The following RMDN2 variants were observed in gnomAD, a reference collection of about 807,000 sequenced individuals.
RMDN2 encodes the protein regulator of microtubule dynamics 2.
A neutral mutation model predicts 52.8 loss-of-function variants in RMDN2; 61 were observed. That is an observed-to-expected ratio of 1.16 (90% confidence interval 0.94 to 1.43). RMDN2 has a LOEUF of 1.43. RMDN2 is among the 40% of genes most tolerant of loss of function. RMDN2 has a pLI of 0.00. For missense variants in RMDN2, 592 were observed against 475.3 expected, an observed-to-expected ratio of 1.25 and a Z score of -2.28; for synonymous variants, 180 against 153.1, an observed-to-expected ratio of 1.18 and a Z score of -1.30.
intron 4 of RMDN2, among the ~76,000 whole-genome samples, chr2:37,978,639 A>T (rs2125089479): frequency 6.6e-6 from 1 of 152,320 alleles, no homozygotes; most frequent in South Asian, 2.1e-4. Context: ...CAGCCTGGGC[A>T]ACATAGGGAG....
At chr2:37,994,829 A>G (rs906023310) in intron 7 of RMDN2, among the ~76,000 whole-genome samples, 1 of 152,236 alleles carries the variant, frequency 6.6e-6, no homozygotes. Context: ...AAAGACTAGC[A>G]TATGAATTTT....
downstream of RMDN2, among the ~76,000 whole-genome samples, chr2:38,018,910 T>G (rs1187800171): frequency 4.6e-5 from 7 of 152,102 alleles, no homozygotes; most frequent in African/African-American, 1.4e-4. Flanking sequence ...ACACACACAT[T>G]TATACACTTA....
chr2:37,944,320 A>T (rs1194339047), intron 2 of RMDN2, among the ~76,000 whole-genome samples: 1 of 127,808 alleles, frequency 7.8e-6, no homozygotes. Flanking sequence ...CATTTAAAAA[A>T]ACAGCCAATC....
intron 2 of RMDN2, among the ~76,000 whole-genome samples, chr2:37,935,061 T>G (rs1341926050): frequency 1.3e-5 from 2 of 152,206 alleles, no homozygotes; most frequent in East Asian, 3.9e-4. Context: ...CTTTTTTCTT[T>G]TCTTCTTGCC....
At chr2:38,016,668 C>A (rs1316977579) in intron 10 of RMDN2, among the ~76,000 whole-genome samples, 1 of 152,148 alleles carries the variant, frequency 6.6e-6, no homozygotes, top group Non-Finnish European at 1.5e-5. Context: ...TGGTCTCACT[C>A]AAGTTTCCAT....
intron 1 of RMDN2, among the ~76,000 whole-genome samples, chr2:37,925,981 C>T (rs77655293): frequency 6.6e-6 from 1 of 152,168 alleles, no homozygotes; most frequent in African/African-American, 2.4e-5. Context: ...TACAAAAAAA[C>T]CATGAAAACC....
intron 10 of RMDN2, among the ~76,000 whole-genome samples, chr2:38,016,778 T>G (rs1327563979): frequency 1.3e-5 from 2 of 151,676 alleles, no homozygotes; most frequent in Non-Finnish European, 2.9e-5. Flanking sequence ...GAAAAAAAAC[T>G]TAGAGTAAAA....
At chr2:38,041,091 A>G (rs1381468714) in intron 10 of RMDN2, among the ~76,000 whole-genome samples, 1 of 152,166 alleles carries the variant, frequency 6.6e-6, no homozygotes, top group Non-Finnish European at 1.5e-5. Context: ...TTATTAGTTG[A>G]AGGAGGTTTG....
chr2:38,021,217 C>T (rs1679345500), downstream of RMDN2, among the ~76,000 whole-genome samples: 1 of 152,102 alleles, frequency 6.6e-6, no homozygotes, highest in Non-Finnish European at 1.5e-5. Flanking sequence ...GTGTCTAGCT[C>T]AGGGATTGTA....
intron 2 of RMDN2, among the ~76,000 whole-genome samples, chr2:37,944,209 G>A (rs115047973): frequency 1.3e-5 from 2 of 151,872 alleles, no homozygotes; most frequent in African/African-American, 4.8e-5. Flanking sequence ...TGTATGTAGT[G>A]TCTCATAACT....
chr2:37,964,715 T>C (rs1289175454), intron 2 of RMDN2, among the ~76,000 whole-genome samples: 2 of 152,212 alleles, frequency 1.3e-5, no homozygotes, highest in African/African-American at 2.4e-5. Context: ...AGGTCTATAG[T>C]GATGTTTAAG....
intron 10 of RMDN2, among the ~76,000 whole-genome samples, chr2:38,016,165 C>T (rs1678749745): frequency 6.6e-6 from 1 of 152,228 alleles, no homozygotes; most frequent in Non-Finnish European, 1.5e-5. Flanking sequence ...TAACTAGAGA[C>T]TATACTGAAT....
chr2:37,923,948 T>G (rs1412327119), upstream of RMDN2, among the ~76,000 whole-genome samples: 1 of 152,150 alleles, frequency 6.6e-6, no homozygotes, highest in East Asian at 1.9e-4. Context: ...TGGTGTTTCA[T>G]CATATTGGCC....
At chr2:37,933,172 T>A (rs932985412) in intron 2 of RMDN2, among the ~76,000 whole-genome samples, 5 of 147,150 alleles carry the variant, frequency 3.4e-5, no homozygotes, top group Non-Finnish European at 7.5e-5. Context: ...TCTCAGACGA[T>A]GGGCGGCCGG....
At chr2:37,975,068 A>G in intron 3 of RMDN2, 144 bp from the exon 4 acceptor site, 1 of 639,834 alleles carries the variant, frequency 1.6e-6, no homozygotes, top group Non-Finnish European at 2.8e-6. Flanking sequence ...AATGTTTCAC[A>G]CGAAATATGC....
intron 4 of RMDN2, among the ~76,000 whole-genome samples, chr2:37,976,880 G>C: frequency 6.7e-6 from 1 of 149,174 alleles, no homozygotes; most frequent in African/African-American, 2.5e-5. Context: ...GATCATTCTT[G>C]GGTGTTTCTC....
intron 7 of RMDN2, among the ~76,000 whole-genome samples, chr2:37,992,299 T>A (rs980436399): frequency 2.0e-5 from 3 of 152,176 alleles, no homozygotes; most frequent in African/African-American, 7.2e-5. Context: ...AAAACTTACA[T>A]TTTGTTAAGG....
intron 1 of RMDN2, among the ~76,000 whole-genome samples, chr2:37,926,845 A>G (rs1572661060): frequency 6.6e-6 from 1 of 152,134 alleles, no homozygotes; most frequent in Non-Finnish European, 1.5e-5. Flanking sequence ...CTGAGGCAGG[A>G]GGATGACTTG....
chr2:38,022,831 C>G (rs1410777809), intron 10 of RMDN2, among the ~76,000 whole-genome samples: 1 of 152,154 alleles, frequency 6.6e-6, no homozygotes, highest in East Asian at 1.9e-4. Flanking sequence ...ATGGGGTTAG[C>G]TTTTACACTA....
Sources: gnomAD v4.1 joint callset for allele counts (sites outside exome capture counted in the v4.1 genomes callset) on GRCh38, gnomAD v4.1.1 for gene constraint, MANE v1.5 for transcripts, NCBI Gene and HGNC (gene_info 2026-07-23, HGNC 2026-07-21) for gene names.